CCDC91: variants seen among roughly 807,000 people sequenced by gnomAD.
CCDC91 encodes the protein coiled-coil domain containing 91, also known as coiled-coil domain-containing protein 91.
CCDC91 carries 48 observed loss-of-function variants against 63.2 expected under a neutral mutation model. The observed-to-expected ratio is 0.76, with a 90% confidence interval of 0.60 to 0.97. The LOEUF (loss-of-function observed/expected upper bound fraction) is 0.97. Ranked by LOEUF, CCDC91 falls within the 50% of genes least tolerant of loss-of-function variation. The pLI, the probability that CCDC91 is intolerant of heterozygous loss-of-function variation, is 0.00. For synonymous variants in CCDC91, 167 were observed against 165.8 expected, an observed-to-expected ratio of 1.01 and a Z score of -0.06; for missense variants, 500 against 494.6, an observed-to-expected ratio of 1.01 and a Z score of -0.10.
At chr12:28,541,933 T>G (rs1169747460) in intron 12 of CCDC91, among the ~76,000 whole-genome samples, 1 of 152,124 alleles carries the variant, frequency 6.6e-6, no homozygotes, top group African/African-American at 2.4e-5. Context: ...AACCCCAAGA[T>G]AGGATTTCTG....
intron 8 of CCDC91, among the ~76,000 whole-genome samples, chr12:28,401,333 C>T (rs1946610001): frequency 6.6e-6 from 1 of 152,118 alleles, no homozygotes; most frequent in Non-Finnish European, 1.5e-5. Flanking sequence ...GGAAAAGCCC[C>T]TTATAAAACC....
intron 12 of CCDC91, among the ~76,000 whole-genome samples, chr12:28,510,325 A>C (rs1273403608): frequency 6.6e-6 from 1 of 151,330 alleles, no homozygotes; most frequent in Non-Finnish European, 1.5e-5. Flanking sequence ...TAAGATCTGT[A>C]GTCAATAAGC....
At chr12:28,308,874 C>T (rs1174218106) in intron 6 of CCDC91, among the ~76,000 whole-genome samples, 2 of 151,898 alleles carry the variant, frequency 1.3e-5, no homozygotes, top group Non-Finnish European at 2.9e-5. Flanking sequence ...TTGTTCTTTT[C>T]CTTCATGAGT....
At chr12:28,383,139 G>C (rs1945393876) in intron 7 of CCDC91, among the ~76,000 whole-genome samples, 1 of 152,048 alleles carries the variant, frequency 6.6e-6, no homozygotes, top group Non-Finnish European at 1.5e-5. Flanking sequence ...TTAACAACAA[G>C]GCCAACAGGA....
At chr12:28,293,373 A>G (rs1458816682) in intron 3 of CCDC91, among the ~76,000 whole-genome samples, 1 of 152,224 alleles carries the variant, frequency 6.6e-6, no homozygotes, top group Non-Finnish European at 1.5e-5. Flanking sequence ...TACTGTAACT[A>G]GATTTCCTAT....
chr12:28,296,727 C>A (rs1949586666), intron 3 of CCDC91, among the ~76,000 whole-genome samples: 1 of 151,884 alleles, frequency 6.6e-6, no homozygotes, highest in African/African-American at 2.4e-5. Flanking sequence ...CTGACTTTCA[C>A]CATTTTCTGT....
chr12:28,200,997 G>A (rs1483953831), intron 1 of CCDC91, among the ~76,000 whole-genome samples: 1 of 129,324 alleles, frequency 7.7e-6, no homozygotes, highest in East Asian at 2.1e-4. Context: ...TGGCCGGGCG[G>A]GGGGCTGACC....
chr12:28,546,054 A>C (rs2141869124), intron 12 of CCDC91, among the ~76,000 whole-genome samples: 1 of 152,212 alleles, frequency 6.6e-6, no homozygotes, highest in South Asian at 2.1e-4. Context: ...TATGTACACA[A>C]GTTATGAAGC....
At chr12:28,196,192 G>A (rs11049437) in intron 1 of CCDC91, among the ~76,000 whole-genome samples, 39,716 of 152,072 alleles carry the variant, frequency 0.26, 5,456 homozygotes, top group Non-Finnish European at 0.31. Flanking sequence ...AAAATGTTGC[G>A]CATATTTTGT....
intron 3 of CCDC91, among the ~76,000 whole-genome samples, chr12:28,288,786 A>G (rs1949052249): frequency 1.3e-5 from 2 of 152,176 alleles, no homozygotes; most frequent in Admixed American, 6.5e-5. Context: ...CATCTGGTAG[A>G]ATTCAGATGT....
intron 6 of CCDC91, among the ~76,000 whole-genome samples, chr12:28,334,757 G>A (rs1565814098): frequency 6.6e-6 from 1 of 152,100 alleles, no homozygotes; most frequent in Non-Finnish European, 1.5e-5. Flanking sequence ...TTACCTTACA[G>A]GAAGTGTAAC....
intron 7 of CCDC91, among the ~76,000 whole-genome samples, chr12:28,367,225 C>T (rs1592447409): frequency 6.6e-6 from 1 of 152,056 alleles, no homozygotes; most frequent in East Asian, 1.9e-4. Context: ...AATGTTTTAA[C>T]AAGTGATTAT....
At chr12:28,295,355 C>A (rs185641603) in intron 3 of CCDC91, among the ~76,000 whole-genome samples, 2 of 151,732 alleles carry the variant, frequency 1.3e-5, no homozygotes, top group East Asian at 3.9e-4. Context: ...TAAAATATTT[C>A]CAAGAAATGT....
chr12:28,362,609 T>C (rs1943976649), intron 7 of CCDC91, 94 bp downstream of exon 7: 2 of 642,226 alleles, frequency 3.1e-6, no homozygotes, highest in East Asian at 6.4e-5. Context: ...ACAAATTATA[T>C]GTGTAGTCTT....
At chr12:28,369,663 G>T (rs1944488610) in intron 7 of CCDC91, among the ~76,000 whole-genome samples, 1 of 152,198 alleles carries the variant, frequency 6.6e-6, no homozygotes. Context: ...CCTAGTAGAG[G>T]TTCTCTGTGA....
At chr12:28,208,170 A>C (rs556914264) in intron 1 of CCDC91, among the ~76,000 whole-genome samples, 1 of 152,226 alleles carries the variant, frequency 6.6e-6, no homozygotes, top group African/African-American at 2.4e-5. Context: ...TCTTTCATGA[A>C]CCTCCTGAAA....
At chr12:28,371,789 A>G (rs1290401625) in intron 7 of CCDC91, among the ~76,000 whole-genome samples, 5 of 152,134 alleles carry the variant, frequency 3.3e-5, no homozygotes, top group African/African-American at 4.8e-5. Context: ...GGCTTGAACA[A>G]TCTCAGATTT....
At position 28,539,284 on chromosome 12, in the gene CCDC91, G is replaced by T. The variant is rs567096329; in HGVS notation, c.1216-9779G>T. Among the ~76,000 whole-genome samples the T allele has an allele frequency of 3.2e-3, 489 of 152,166 alleles. 7 individuals carry two copies. The highest frequency in any genetic ancestry group is 9.3e-3 in the African/African-American group (388 of 41,518). ...AATCCATCTTGAATTAATTTTTGTA[G>T]AAGGTGTAAGGAAGGGATCCAGTTT... On this transcript the variant is annotated intron_variant, in intron 12 of 12. Coordinates refer to ENST00000536442, the MANE Select transcript of CCDC91 (RefSeq NM_018318.5).
At chr12:28,462,239 C>A (rs1245492336) in intron 11 of CCDC91, among the ~76,000 whole-genome samples, 3 of 152,022 alleles carry the variant, frequency 2.0e-5, no homozygotes, top group African/African-American at 7.2e-5. Flanking sequence ...TGGAACAGAA[C>A]ATGAGAGTGT....
Sources: allele counts gnomAD v4.1 joint callset (sites outside exome capture counted in the v4.1 genomes callset), GRCh38; gene constraint gnomAD v4.1.1; transcripts MANE v1.5; gene names NCBI Gene and HGNC (gene_info 2026-07-23, HGNC 2026-07-21).